Variants in MDGA2 observed in about 807,000 individuals in gnomAD.
MDGA2 encodes the protein MAM domain containing glycosylphosphatidylinositol anchor 2, also known as MAM domain-containing glycosylphosphatidylinositol anchor protein 2.
Under a neutral mutation model 117.8 loss-of-function variants are expected in MDGA2, and 40 were observed. The observed-to-expected ratio is 0.34, with a 90% confidence interval of 0.26 to 0.44. The LOEUF (loss-of-function observed/expected upper bound fraction) is 0.44, where lower values mean the gene tolerates loss of function less well. Among genes scored for constraint, MDGA2 ranks in the 20% least tolerant of loss-of-function variants. MDGA2 has a pLI of 1.00. For missense variants in MDGA2, 1,123 were observed against 1,250.6 expected (o/e 0.90, Z 1.54); for synonymous variants, 452 against 439.0 (o/e 1.03, Z -0.37).
chr14:47,475,681 A>C (rs931290695), intron 1 of MDGA2, among the ~76,000 whole-genome samples: 1 of 152,196 alleles, frequency 6.6e-6, no homozygotes, highest in African/African-American at 2.4e-5. Flanking sequence ...TCAGGGACAT[A>C]GATGGAGCTC....
chr14:47,543,537 T>TA (rs1186434068), intron 1 of MDGA2, among the ~76,000 whole-genome samples: 3 of 152,234 alleles, frequency 2.0e-5, no homozygotes, highest in African/African-American at 7.2e-5. Context: ...AGCAATGAAC[T>TA]GAATATAACT....
chr14:46,875,299 T>A (rs186466713), intron 12 of MDGA2, among the ~76,000 whole-genome samples: 38 of 151,882 alleles, frequency 2.5e-4, no homozygotes, highest in African/African-American at 8.4e-4. Context: ...ATCATGTACC[T>A]GAATTAATTG....
At chr14:46,862,967 G>A (rs1369323572) in intron 14 of MDGA2, among the ~76,000 whole-genome samples, 1 of 152,020 alleles carries the variant, frequency 6.6e-6, no homozygotes, top group African/African-American at 2.4e-5. Context: ...TGGTGCACAG[G>A]TGAATTTGTA....
At chr14:47,201,110 G>T (rs971038179) in intron 3 of MDGA2, 1 of 798,140 alleles carries the variant, frequency 1.3e-6, no homozygotes, top group South Asian at 1.3e-5. Context: ...GCCATCTTCG[G>T]CAGCAGCTTG....
At chr14:47,160,607 G>C (rs1171466098) in intron 3 of MDGA2, among the ~76,000 whole-genome samples, 1 of 152,122 alleles carries the variant, frequency 6.6e-6, no homozygotes. Context: ...CTGCAGTTGT[G>C]AGCCATAATT....
At chr14:47,407,357 CTT>C (rs953698718) in intron 1 of MDGA2, among the ~76,000 whole-genome samples, 30 of 152,120 alleles carry the variant, frequency 2.0e-4, no homozygotes, top group African/African-American at 7.2e-4. Flanking sequence ...AAAATGGACT[CTT>C]TGGTTTTATT....
chr14:47,137,711 A>G (rs752743279), intron 4 of MDGA2, among the ~76,000 whole-genome samples: 11 of 152,170 alleles, frequency 7.2e-5, no homozygotes, highest in Non-Finnish European at 1.3e-4. Context: ...CCTATATGGC[A>G]ACACAAAACA....
chr14:47,528,830 CA>C (rs1406525273), intron 1 of MDGA2, among the ~76,000 whole-genome samples: 2 of 151,986 alleles, frequency 1.3e-5, no homozygotes, highest in African/African-American at 4.8e-5. Context: ...ATAAGATCAT[CA>C]ATATATTTTA....
intron 8 of MDGA2, among the ~76,000 whole-genome samples, chr14:46,989,467 G>A (rs977954452): frequency 2.0e-5 from 3 of 152,044 alleles, no homozygotes; most frequent in South Asian, 2.1e-4. Context: ...GACAATATGT[G>A]ACTAATCCAT....
At chr14:47,213,141 C>A (rs186048958) in intron 3 of MDGA2, among the ~76,000 whole-genome samples, 12 of 152,126 alleles carry the variant, frequency 7.9e-5, no homozygotes, top group Non-Finnish European at 1.5e-4. Context: ...CCAAAAAAAA[C>A]TGAAATCTTA....
intron 14 of MDGA2, among the ~76,000 whole-genome samples, chr14:46,857,677 T>A (rs1881323962): frequency 6.6e-6 from 1 of 152,120 alleles, no homozygotes; most frequent in African/African-American, 2.4e-5. Flanking sequence ...TTTTAAGAGA[T>A]GGGGTCTTGC....
chr14:47,472,904 T>TA (rs1893758497), intron 1 of MDGA2, among the ~76,000 whole-genome samples: 1 of 152,182 alleles, frequency 6.6e-6, no homozygotes, highest in Middle Eastern at 3.4e-3. Context: ...TGGCTTTTTT[T>TA]TAAAAAACTC....
intron 1 of MDGA2, among the ~76,000 whole-genome samples, chr14:47,345,029 G>A (rs76268821): frequency 0.044 from 6,736 of 152,080 alleles, 365 homozygotes; most frequent in East Asian, 0.13. Flanking sequence ...CAAATGTTTT[G>A]TGAATGAAAA....
At chr14:47,273,016 G>A (rs185423849) in intron 2 of MDGA2, among the ~76,000 whole-genome samples, 2 of 152,172 alleles carry the variant, frequency 1.3e-5, no homozygotes, top group East Asian at 3.9e-4. Flanking sequence ...AATCTTTGGA[G>A]GTATCCCAGG....
At chr14:46,849,237 C>A (rs1880965067) in intron 15 of MDGA2, among the ~76,000 whole-genome samples, 1 of 151,906 alleles carries the variant, frequency 6.6e-6, no homozygotes, top group African/African-American at 2.4e-5. Flanking sequence ...CAGTCTTCCA[C>A]AAGGACCTTT....
intron 1 of MDGA2, among the ~76,000 whole-genome samples, chr14:47,459,460 C>T (rs1893436024): frequency 6.6e-6 from 1 of 150,402 alleles, no homozygotes; most frequent in Admixed American, 6.7e-5. Flanking sequence ...AGTCGTCTTC[C>T]TTCCATCTTT....
At chr14:47,494,008 CT>C (rs1264027423) in intron 1 of MDGA2, among the ~76,000 whole-genome samples, 1 of 152,124 alleles carries the variant, frequency 6.6e-6, no homozygotes, top group Non-Finnish European at 1.5e-5. Context: ...CCATGCTTTT[CT>C]TGTGACAGTA....
At chr14:47,373,291 A>G (rs1190984366) in intron 1 of MDGA2, among the ~76,000 whole-genome samples, 1 of 152,092 alleles carries the variant, frequency 6.6e-6, no homozygotes, top group Non-Finnish European at 1.5e-5. Context: ...TATAAATCCC[A>G]ATATATCACT....
intron 1 of MDGA2, among the ~76,000 whole-genome samples, chr14:47,546,207 T>C (rs1895459583): frequency 6.6e-6 from 1 of 152,094 alleles, no homozygotes; most frequent in Non-Finnish European, 1.5e-5. Context: ...AAAACATGAT[T>C]TAAGCAGAAT....
Sources: gnomAD v4.1 joint callset for allele counts (sites outside exome capture counted in the v4.1 genomes callset) on GRCh38, gnomAD v4.1.1 for gene constraint, MANE v1.5 for transcripts, NCBI Gene and HGNC (gene_info 2026-07-23, HGNC 2026-07-21) for gene names.